The following SPESP1 variants were observed in gnomAD, a reference collection of about 807,000 sequenced individuals.
SPESP1 encodes sperm equatorial segment protein 1, also known as equatorial segment protein.
A neutral mutation model predicts 3.1 loss-of-function variants in SPESP1; 1 was observed. That is an observed-to-expected ratio of 0.33 (90% confidence interval 0.12 to 1.54). SPESP1 has a LOEUF of 1.54. Ranked by LOEUF, SPESP1 falls within the 40% of genes most tolerant of loss-of-function variation. SPESP1 has a pLI of 0.38. For missense variants in SPESP1, 398 were observed against 410.1 expected (o/e 0.97, Z 0.26); for synonymous variants, 138 against 150.7 (o/e 0.92, Z 0.62).
rs572298703 is a variant in SPESP1 at position 68,946,355 on chromosome 15, A to G, written c.821A>G (p.Lys274Arg). 1 of 1,614,180 alleles carries G rather than the reference A, an allele frequency of 6.2e-7. No individual in the cohort carries two copies. Among genetic ancestry groups the G allele is most frequent in the South Asian group, 1.1e-5 (1 of 91,080 alleles). ...SLALAAAAEH[K>R]LKTMYKSQLL... is the part of the protein sequence containing the mutation. ...GCTCTAGCAGCAGCAGCAGAACATAAATTAAAAACAATGTATAAGTCCCAG... is the reference window on the plus strand; with the variant it reads ...GCTCTAGCAGCAGCAGCAGAACATAGATTAAAAACAATGTATAAGTCCCAG... Residue 274 changes from lysine to arginine, a missense_variant, in exon 2 of 2, where the codon AAA (lysine) becomes AGA (arginine). Coordinates refer to ENST00000310673, the MANE Select transcript of SPESP1 (RefSeq NM_145658.4).
intron 1 of SPESP1, chr15:68,939,938 T>C (rs1895775921): frequency 6.6e-6 from 1 of 152,216 alleles, no homozygotes; most frequent in Non-Finnish European, 1.5e-5. Context: ...TGGCAATGTC[T>C]TTCTAAAAGC....
At chr15:68,938,815 T>G (rs1397609955) in intron 1 of SPESP1, among the ~76,000 whole-genome samples, 2 of 152,212 alleles carry the variant, frequency 1.3e-5, no homozygotes, top group Non-Finnish European at 2.9e-5. Flanking sequence ...GAATATAATC[T>G]TAAGCAAATT....
chr15:68,943,775 A>G (rs1895889027), intron 1 of SPESP1, among the ~76,000 whole-genome samples: 1 of 152,156 alleles, frequency 6.6e-6, no homozygotes, highest in African/African-American at 2.4e-5. Flanking sequence ...GAGATTTTGT[A>G]AAACTGTTAA....
chr15:68,943,896 G>A (rs761305591), intron 1 of SPESP1, among the ~76,000 whole-genome samples: 2 of 151,938 alleles, frequency 1.3e-5, no homozygotes, highest in Non-Finnish European at 2.9e-5. Flanking sequence ...ATTAAACGTC[G>A]ATCTGGTCTT....
intron 1 of SPESP1, among the ~76,000 whole-genome samples, chr15:68,945,247 G>A (rs947078611): frequency 2.0e-5 from 3 of 152,104 alleles, no homozygotes; most frequent in African/African-American, 7.2e-5. Flanking sequence ...ACCAGTATAA[G>A]CCTACTCCAG....
chr15:68,946,228 G>T lies in SPESP1; in HGVS notation c.694G>T (p.Asp232Tyr), dbSNP rs754703920. The change falls in exon 2 of 2, where the codon GAT becomes TAT. Residue 232 changes from aspartate (D) to tyrosine (Y), a missense_variant. Asp to Tyr is a radical substitution (Grantham distance 160). Coordinates refer to ENST00000310673, the MANE Select transcript of SPESP1 (RefSeq NM_145658.4). ...TGATGACATTTTGAAAAAAATTTTA[G>T]ATATTAATTCACAAGTGCAACAGGC... ...NNDDILKKIL[D>Y]INSQVQQALL... The T allele has an allele frequency of 1.8e-5, 29 of 1,614,118 alleles. No homozygotes were observed. The highest frequency in any genetic ancestry group is 6.7e-5 in the Admixed American group (4 of 60,022).
chr15:68,944,357 C>T (rs1895905497), intron 1 of SPESP1, among the ~76,000 whole-genome samples: 1 of 149,880 alleles, frequency 6.7e-6, no homozygotes, highest in Non-Finnish European at 1.5e-5. Context: ...TTTAGGAGAC[C>T]CCTCAAAAAA....
chr15:68,944,984 G>A (rs1004820775), intron 1 of SPESP1, among the ~76,000 whole-genome samples: 11 of 152,122 alleles, frequency 7.2e-5, no homozygotes, highest in African/African-American at 2.2e-4. Flanking sequence ...ACATCACTGA[G>A]CAGGGAGGTA....
chr15:68,932,527 A>T (rs907878135), intron 1 of SPESP1, among the ~76,000 whole-genome samples: 3 of 151,866 alleles, frequency 2.0e-5, no homozygotes, highest in Admixed American at 6.6e-5. Flanking sequence ...AGTAGCTGGG[A>T]TTATAGGCGC....
At position 68,936,516 on chromosome 15, in the gene SPESP1, C is replaced by G. The variant is rs192336498; in HGVS notation, c.64+5799C>G. 4.6e-5 allele frequency among the ~76,000 whole-genome samples: 7 copies of G among 152,206 alleles called. No homozygotes were observed. The East Asian group carries it at 1.2e-3, about 25-fold the overall frequency. On this transcript the variant is annotated intron_variant, in intron 1 of 1. Coordinates refer to ENST00000310673, the MANE Select transcript of SPESP1 (RefSeq NM_145658.4). The stretch of plus-strand genomic sequence containing the variant: ...ATGAAATGTCTAGCATAGGCAAATG[C>G]GTAGCTACAGAAAGTAGATTAGTGG...
Position 68,944,409 on chromosome 15 carries a change from G to C in SPESP1, c.65-1190G>C, listed in dbSNP as rs1895907471. On this transcript the variant is annotated intron_variant, in intron 1 of 1. Coordinates refer to ENST00000310673, the MANE Select transcript of SPESP1 (RefSeq NM_145658.4). The stretch of plus-strand genomic sequence containing the variant: ...ATAGACGCCCCAACAATACCCTTGG[G>C]CTTTTTTTGTCTTTTCTGTATTTTT... 2.0e-5 allele frequency among the ~76,000 whole-genome samples: 3 copies of C among 151,348 alleles called. No individual in the cohort carries two copies. In the South Asian group the frequency reaches 6.2e-4, roughly 32 times the overall value.
At position 68,932,236 on chromosome 15, in the gene SPESP1, T is replaced by G. The variant is rs564994049; in HGVS notation, c.64+1519T>G. Among the ~76,000 whole-genome samples the G allele has an allele frequency of 2.0e-5, 3 of 152,314 alleles. No homozygotes were observed. In the East Asian group the frequency reaches 5.8e-4, roughly 29 times the overall value. ...TGTAGATCAGCAAGTCACAAGTGACTAACATATATGGAGACTTTAACTGAA... is the reference window on the plus strand; with the variant it reads ...TGTAGATCAGCAAGTCACAAGTGACGAACATATATGGAGACTTTAACTGAA... On this transcript the variant is annotated intron_variant, in intron 1 of 1. Transcript: ENST00000310673.
Position 68,946,046 on chromosome 15 carries a change from G to C in SPESP1, c.512G>C (p.Ser171Thr), listed in dbSNP as rs1031816933. 3.1e-6 allele frequency: 5 copies of C among 1,614,128 alleles called. No homozygotes were observed. Among genetic ancestry groups the C allele is most frequent in the Admixed American group, 3.3e-5 (2 of 60,014 alleles). Residue 171 changes from serine (S) to threonine (T), a missense_variant, in exon 2 of 2, where the codon AGT becomes ACT. By Grantham distance (58) the Ser-to-Thr change is moderately conservative. Transcript: ENST00000310673. Reference sequence around the variant, plus strand: ...CCAGTTGTTACTGAATCATCTACAAGTCCATATGTTACCTCATACAAGTCA... The same window carrying C: ...CCAGTTGTTACTGAATCATCTACAACTCCATATGTTACCTCATACAAGTCA... ...MLPVVTESST[S>T]PYVTSYKSPV...
chr15:68,945,599 G>T lies in SPESP1; in HGVS notation c.65G>T (p.Ser22Ile). 1 of 1,549,342 alleles carries T rather than the reference G, an allele frequency of 6.5e-7. No homozygotes were observed. Among genetic ancestry groups the T allele is most frequent in the Non-Finnish European group, 8.7e-7 (1 of 1,155,242 alleles). ...LWPSSVPAYPSITVTPDEEQN... is the reference protein window; with the variant it reads ...LWPSSVPAYPIITVTPDEEQN... Reference sequence around the variant, plus strand: ...TATTTATTTGATTTTTTCCCTGAAGGCATAACTGTGACACCTGATGAAGAG... The same window carrying T: ...TATTTATTTGATTTTTTCCCTGAAGTCATAACTGTGACACCTGATGAAGAG... The change falls in exon 2 of 2, where the codon AGC (serine) becomes ATC (isoleucine). Residue 22 changes from serine (S) to isoleucine (I), a missense_variant and splice_region_variant. Ser to Ile is a moderately radical substitution (Grantham distance 142, BLOSUM62 -2). Transcript: ENST00000310673.
intron 1 of SPESP1, among the ~76,000 whole-genome samples, chr15:68,940,567 C>T (rs768754933): frequency 2.6e-5 from 4 of 152,030 alleles, no homozygotes; most frequent in Non-Finnish European, 5.9e-5. Context: ...TATAGTTCTT[C>T]CTCCATCTCT....
intron 1 of SPESP1, 29 bp from the exon 2 acceptor site, chr15:68,945,570 T>G: frequency 1.3e-6 from 2 of 1,496,260 alleles, no homozygotes; most frequent in Non-Finnish European, 8.9e-7. Flanking sequence ...TAAATGTTAC[T>G]TATTATTTAT....
At chr15:68,941,584 C>T (rs1895825209) in intron 1 of SPESP1, among the ~76,000 whole-genome samples, 1 of 152,142 alleles carries the variant, frequency 6.6e-6, no homozygotes, top group African/African-American at 2.4e-5. Context: ...CCTCTTCCTC[C>T]ACATTACCTC....
chr15:68,939,349 C>G (rs1274245862), intron 1 of SPESP1, among the ~76,000 whole-genome samples: 1 of 152,178 alleles, frequency 6.6e-6, no homozygotes, highest in Non-Finnish European at 1.5e-5. Context: ...CAACTTCTAG[C>G]AAGATTGTCT....
At chr15:68,939,998 T>C (rs1895776996) in intron 1 of SPESP1, 1 of 152,192 alleles carries the variant, frequency 6.6e-6, no homozygotes, top group South Asian at 2.1e-4. Flanking sequence ...TTATAGTTGC[T>C]CAGAATTAAA....
Sources: gnomAD v4.1 joint callset for allele counts (sites outside exome capture counted in the v4.1 genomes callset) on GRCh38, gnomAD v4.1.1 for gene constraint, MANE v1.5 for transcripts, NCBI Gene and HGNC (gene_info 2026-07-23, HGNC 2026-07-21) for gene names.